Variants in PPP1R13B observed in about 807,000 individuals in gnomAD.
PPP1R13B encodes apoptosis-stimulating of p53 protein 1.
Under a neutral mutation model 119.8 loss-of-function variants are expected in PPP1R13B, and 44 were observed. That is an observed-to-expected ratio of 0.37 (90% confidence interval 0.29 to 0.47). The LOEUF is 0.47. Among genes scored for constraint, PPP1R13B ranks in the 20% least tolerant of loss-of-function variants. The pLI, the probability that PPP1R13B is intolerant of heterozygous loss-of-function variation, is 0.99. For missense variants in PPP1R13B, 1,227 were observed against 1,413.5 expected (o/e 0.87, Z 2.12); for synonymous variants, 542 against 561.5 (o/e 0.97, Z 0.49).
Position 103,778,495 on chromosome 14 carries a change from C to T in PPP1R13B, c.354+250G>A, listed in dbSNP as rs1034101266. The T allele has an allele frequency of 2.7e-5, 9 of 330,044 alleles. No homozygotes were observed. The South Asian group carries it at 4.0e-4, about 15-fold the overall frequency. 20.4% of individuals were successfully genotyped at this position (330,044 alleles called of 1,614,324 possible). On this transcript the variant is annotated intron_variant, in intron 4 of 16. Transcript: ENST00000202556. ...CCAAGCTGGTCTCAACTCCTGACCTCGTGATCTGTGCGCCTCAGTCTCCCA... is the reference window on the plus strand; with the variant it reads ...CCAAGCTGGTCTCAACTCCTGACCTTGTGATCTGTGCGCCTCAGTCTCCCA...
chr14:103,752,916 C>T lies in PPP1R13B; in HGVS notation c.828+84G>A, dbSNP rs2084586230. On this transcript the variant is annotated intron_variant, in intron 7 of 16. Transcript: ENST00000202556. The stretch of plus-strand genomic sequence containing the variant: ...ATTAGAATCTACTAATTTGTTTCCA[C>T]TTCCTAAGGTTTCCAACCCATGCTA... The T allele has an allele frequency of 2.8e-6, 4 of 1,427,006 alleles. No homozygotes were observed. In the South Asian group the frequency reaches 4.0e-5, roughly 14 times the overall value. 88.4% of individuals were successfully genotyped at this position (1,427,006 alleles called of 1,614,324 possible). A position where few individuals can be genotyped will look rare whatever the true frequency, so the allele number is the denominator to read the frequency against.
chr14:103,804,119 A>G (rs2085964963), intron 1 of PPP1R13B: 1 of 891,918 alleles, frequency 1.1e-6, no homozygotes, highest in Admixed American at 6.2e-5. Flanking sequence ...AAGTTGGAAA[A>G]TATCATACTA....
intron 4 of PPP1R13B, among the ~76,000 whole-genome samples, chr14:103,758,229 C>T (rs2084722837): frequency 6.6e-6 from 1 of 152,200 alleles, no homozygotes; most frequent in African/African-American, 2.4e-5. Context: ...GCATGACTTA[C>T]ATGAAGAACA....
intron 4 of PPP1R13B, among the ~76,000 whole-genome samples, 160 bp from the exon 5 acceptor site, chr14:103,757,911 C>G (rs1263044774): frequency 6.6e-6 from 1 of 152,202 alleles, no homozygotes; most frequent in Non-Finnish European, 1.5e-5. Flanking sequence ...TAATTGTTGA[C>G]TGCTTTTATG....
At chr14:103,841,611 A>G (rs2086911089) in intron 1 of PPP1R13B, among the ~76,000 whole-genome samples, 1 of 152,150 alleles carries the variant, frequency 6.6e-6, no homozygotes, top group African/African-American at 2.4e-5. Flanking sequence ...AAAAGAAAAA[A>G]AAATTTTTTT....
Position 103,742,359 on chromosome 14 carries a change from T to A in PPP1R13B, c.1321-68A>T. 4 of 1,482,996 alleles carry A rather than the reference T, an allele frequency of 2.7e-6. No individual in the cohort carries two copies. Among genetic ancestry groups the A allele is most frequent in the South Asian group, 1.3e-5 (1 of 74,370 alleles). 91.9% of individuals were successfully genotyped at this position (1,482,996 alleles called of 1,614,324 possible). A position where few individuals can be genotyped will look rare whatever the true frequency, so the allele number is the denominator to read the frequency against. ...ACAGTTAAGAATATTTCCACCCACA[T>A]TCCCAAGAGAATACACAGTAGAATT... On this transcript the variant is annotated intron_variant, in intron 10 of 16. Transcript: ENST00000202556. The surrounding 1 kb of genome is among the most constrained non-coding windows in gnomAD (Gnocchi z 4.9).
chr14:103,741,685 T>G, intron 11 of PPP1R13B, 105 bp downstream of exon 11: 1 of 1,371,204 alleles, frequency 7.3e-7, no homozygotes. Context: ...TTAAGTTTAA[T>G]CCTAAATAGC....
At chr14:103,796,175 C>T (rs529236066) in intron 2 of PPP1R13B, among the ~76,000 whole-genome samples, 1 of 151,888 alleles carries the variant, frequency 6.6e-6, no homozygotes, top group African/African-American at 2.4e-5. Flanking sequence ...CCCAGCTACA[C>T]GAGAGGCTGA....
At chr14:103,809,920 G>A (rs184937247) in intron 1 of PPP1R13B, among the ~76,000 whole-genome samples, 134 of 151,298 alleles carry the variant, frequency 8.9e-4, no homozygotes, top group African/African-American at 3.1e-3. Flanking sequence ...TCTGCCTCCC[G>A]GGTTCAAGTG....
intron 1 of PPP1R13B, among the ~76,000 whole-genome samples, chr14:103,804,820 G>A (rs894981711): frequency 1.3e-5 from 2 of 152,110 alleles, no homozygotes; most frequent in Admixed American, 1.3e-4. Context: ...TGGAGAAACT[G>A]AAACCTTCAT....
intron 4 of PPP1R13B, among the ~76,000 whole-genome samples, chr14:103,770,994 C>T (rs574066065): frequency 5.9e-4 from 90 of 152,164 alleles, no homozygotes; most frequent in African/African-American, 2.1e-3. Context: ...GTGGAGAGTC[C>T]AAGAGGAGAT....
intron 7 of PPP1R13B, among the ~76,000 whole-genome samples, chr14:103,752,066 T>C (rs999604376): frequency 2.0e-5 from 3 of 152,208 alleles, no homozygotes; most frequent in Admixed American, 6.5e-5. Flanking sequence ...TTAACCAAAA[T>C]GCTGGGGACC....
intron 4 of PPP1R13B, among the ~76,000 whole-genome samples, chr14:103,776,376 T>C (rs965088696): frequency 1.3e-5 from 2 of 152,118 alleles, no homozygotes; most frequent in South Asian, 4.1e-4. Flanking sequence ...GAACTAGCAA[T>C]TCAATAATAA....
intron 1 of PPP1R13B, among the ~76,000 whole-genome samples, chr14:103,827,447 C>A (rs1278957765): frequency 6.6e-6 from 1 of 152,096 alleles, no homozygotes; most frequent in East Asian, 1.9e-4. Context: ...AAACCCATTT[C>A]TTATCTCATG....
At position 103,737,602 on chromosome 14, in the gene PPP1R13B, C is replaced by G; in HGVS notation, c.3031+92G>C. 2.8e-6 allele frequency: 4 copies of G among 1,448,272 alleles called. No individual in the cohort carries two copies. The South Asian group carries it at 5.4e-5, about 20-fold the overall frequency. The allele number at this position is 1,448,272 out of a possible 1,614,324, so 89.7% of individuals were successfully genotyped here. ...TGTCTTAAAAAAAACAAACAGAAAG[C>G]TGTGCTGAAGCTTCTCTGGCACCGG... On this transcript the variant is annotated intron_variant, in intron 15 of 16. Coordinates refer to ENST00000202556, the MANE Select transcript of PPP1R13B (RefSeq NM_015316.3).
intron 1 of PPP1R13B, among the ~76,000 whole-genome samples, chr14:103,799,333 T>TAC (rs1467514616): frequency 6.6e-6 from 1 of 152,042 alleles, no homozygotes; most frequent in Non-Finnish European, 1.5e-5. Context: ...CGCACGTCAC[T>TAC]ACGCCCGGCT....
chr14:103,798,571 C>T (rs920508927), intron 1 of PPP1R13B, among the ~76,000 whole-genome samples: 1 of 151,922 alleles, frequency 6.6e-6, no homozygotes, highest in Non-Finnish European at 1.5e-5. Flanking sequence ...ACAGAAAGAC[C>T]AAAAATCCAA....
At chr14:103,834,582 T>TC (rs1491550118) in intron 1 of PPP1R13B, among the ~76,000 whole-genome samples, 1 of 93,008 alleles carries the variant, frequency 1.1e-5, no homozygotes, top group African/African-American at 8.6e-5. Context: ...TTTTAATGTC[T>TC]TTTTTTTTTT....
chr14:103,822,138 C>CT lies in PPP1R13B; in HGVS notation c.10-24621dup, dbSNP rs1054527061. Among the ~76,000 whole-genome samples the CT allele has an allele frequency of 3.7e-3, 534 of 145,760 alleles. 1 individual carries two copies. Among genetic ancestry groups the CT allele is most frequent in the African/African-American group, 4.8e-3 (191 of 40,162 alleles). On this transcript the variant is annotated intron_variant, in intron 1 of 16. Transcript: ENST00000202556. ...CCAAGAGATGAGGATCAAAAAGCCACTTTTTTTTTTTTGGAGACGGAGTTT... is the reference window on the plus strand; with the variant it reads ...CCAAGAGATGAGGATCAAAAAGCCACTTTTTTTTTTTTTGGAGACGGAGTTT...
Sources: allele counts gnomAD v4.1 joint callset (sites outside exome capture counted in the v4.1 genomes callset), GRCh38; gene constraint gnomAD v4.1.1; non-coding constraint Gnocchi (gnomAD v3.1); transcripts MANE v1.5; gene names NCBI Gene and HGNC (gene_info 2026-07-23, HGNC 2026-07-21).